Variants in SLC1A7 observed in about 807,000 individuals in gnomAD.
The protein encoded by SLC1A7 is excitatory amino acid transporter 5.
In SLC1A7, 40 loss-of-function variants were observed where a neutral mutation model predicts 47.7. The ratio of observed to expected loss-of-function variants is 0.84; its 90% CI spans 0.65 to 1.09. The LOEUF is 1.09. Among genes scored for constraint, SLC1A7 ranks in the 50% least tolerant of loss-of-function variants. The pLI is 0.00. For synonymous variants in SLC1A7, 323 were observed against 325.6 expected (o/e 0.99, Z 0.09); for missense variants, 746 against 769.5 (o/e 0.97, Z 0.36).
chr1:53,115,526 C>G (rs528667486), intron 2 of SLC1A7: 10 of 160,604 alleles, frequency 6.2e-5, no homozygotes, highest in Admixed American at 2.9e-4. Flanking sequence ...CTGTGGGTCC[C>G]GAGAGGACGG....
Position 53,114,896 on chromosome 1 carries a change from C to T in SLC1A7, c.293G>A (p.Trp98Ter), listed in dbSNP as rs1426995720. The change falls in exon 3 of 11, where the codon TGG (tryptophan) becomes TAG (stop). Residue 98 changes from tryptophan (W) to a stop codon, truncating the protein, a stop_gained. Coordinates refer to ENST00000371494, the MANE Select transcript of SLC1A7 (RefSeq NM_006671.6). LOFTEE classifies it high-confidence loss of function. Reference sequence around the variant, plus strand: ...CACGATGACAGCCATGAAGGTGGTCCACAGGTAGTACGCCACGGTGAGGAC... The same window carrying T: ...CACGATGACAGCCATGAAGGTGGTCTACAGGTAGTACGCCACGGTGAGGAC... ...LGVLTVAYYL[W>*]TTFMAVIVGI... is the part of the protein sequence containing the mutation. 1.2e-6 allele frequency: 2 copies of T among 1,614,162 alleles called. No individual in the cohort carries two copies. Among genetic ancestry groups the T allele is most frequent in the Admixed American group, 1.7e-5 (1 of 60,026 alleles).
intron 3 of SLC1A7, among the ~76,000 whole-genome samples, chr1:53,111,029 G>A (rs573807644): frequency 6.6e-6 from 1 of 152,344 alleles, no homozygotes; most frequent in Non-Finnish European, 1.5e-5. Context: ...GGAGGTTAAA[G>A]AGCCAGGCTT....
At chr1:53,127,419 GGA>G (rs987916402) in intron 2 of SLC1A7, among the ~76,000 whole-genome samples, 1 of 152,210 alleles carries the variant, frequency 6.6e-6, no homozygotes, top group Non-Finnish European at 1.5e-5. Flanking sequence ...CCGGCTCCAG[GGA>G]GAGAGGTGAG....
chr1:53,132,273 C>T (rs879474403), intron 2 of SLC1A7, among the ~76,000 whole-genome samples: 30 of 152,004 alleles, frequency 2.0e-4, no homozygotes, highest in Non-Finnish European at 3.2e-4. Context: ...ATAGATGGGA[C>T]GGGGACAAGA....
intron 1 of SLC1A7, among the ~76,000 whole-genome samples, chr1:53,141,298 A>C (rs1645054211): frequency 6.6e-6 from 1 of 152,002 alleles, no homozygotes; most frequent in South Asian, 2.1e-4. Context: ...TGTCTCCTGT[A>C]GTCATTTTCT....
intron 1 of SLC1A7, 93 bp from the exon 2 acceptor site, chr1:53,134,522 A>C: frequency 1.3e-6 from 1 of 756,604 alleles, no homozygotes; most frequent in Non-Finnish European, 2.2e-6. Flanking sequence ...ATCCCATCTG[A>C]CTCCCCTGTC....
intron 2 of SLC1A7, among the ~76,000 whole-genome samples, chr1:53,130,805 C>T (rs146204349): frequency 6.6e-6 from 1 of 152,210 alleles, no homozygotes; most frequent in Non-Finnish European, 1.5e-5. Context: ...GAGTAACAAC[C>T]TCACACCAGA....
At chr1:53,126,457 C>T (rs1402575250) in intron 2 of SLC1A7, among the ~76,000 whole-genome samples, 1 of 152,190 alleles carries the variant, frequency 6.6e-6, no homozygotes, top group East Asian at 1.9e-4. Context: ...AAACCGCAAA[C>T]CTGGAGTTAC....
chr1:53,100,492 C>G (rs564006898), intron 5 of SLC1A7, among the ~76,000 whole-genome samples: 1 of 146,436 alleles, frequency 6.8e-6, no homozygotes. Flanking sequence ...ACAAACGCTG[C>G]CTCGGTACAT....
chr1:53,105,003 T>A (rs1442301233), intron 4 of SLC1A7, among the ~76,000 whole-genome samples: 1 of 152,196 alleles, frequency 6.6e-6, no homozygotes, highest in Non-Finnish European at 1.5e-5. Context: ...GTAGTACCAC[T>A]AAACATTGTA....
At chr1:53,129,506 ACT>A (rs1271033725) in intron 2 of SLC1A7, among the ~76,000 whole-genome samples, 2,277 of 100,646 alleles carry the variant, frequency 0.023, 13 homozygotes, top group Middle Eastern at 0.038. Flanking sequence ...ACTCAGTTGG[ACT>A]GAAGCACACA....
chr1:53,097,101 C>G (rs1185895187), intron 5 of SLC1A7, among the ~76,000 whole-genome samples: 1 of 144,588 alleles, frequency 6.9e-6, no homozygotes, highest in Non-Finnish European at 1.5e-5. Context: ...ACTGCCTCGG[C>G]ACACTCACAG....
chr1:53,106,351 C>G (rs925560298), intron 3 of SLC1A7, among the ~76,000 whole-genome samples: 3 of 151,900 alleles, frequency 2.0e-5, no homozygotes, highest in African/African-American at 4.8e-5. Flanking sequence ...AAAACGGTGG[C>G]TCACGCCTGT....
At chr1:53,136,675 T>A (rs1645003366) in intron 1 of SLC1A7, among the ~76,000 whole-genome samples, 1 of 139,644 alleles carries the variant, frequency 7.2e-6, no homozygotes. Flanking sequence ...TATTTTTTTT[T>A]TTTTTTTTTG....
At chr1:53,098,648 C>A (rs1229269628) in intron 5 of SLC1A7, among the ~76,000 whole-genome samples, 1 of 151,242 alleles carries the variant, frequency 6.6e-6, no homozygotes, top group Admixed American at 6.6e-5. Flanking sequence ...ACACACACCA[C>A]CTCGGTACAC....
In SLC1A7 at chr1:53,088,961, C is replaced by T; in HGVS notation, c.1380G>A (p.Met460Ile). Residue 460 changes from methionine (M) to isoleucine (I), a missense_variant, in exon 10 of 11, where the codon ATG becomes ATA. By Grantham distance (10) the Met-to-Ile change is conservative. Transcript: ENST00000371494. ...VDWALDRFRT[M>I]INVLGDALAA... ...CCAGCGCATCACCCAGCACGTTAAT[C>T]ATGGTGCGGAAACGGTCCCTGGTGA... The T allele has an allele frequency of 6.2e-7, 1 of 1,614,060 alleles. No individual in the cohort carries two copies. Among genetic ancestry groups the T allele is most frequent in the Non-Finnish European group, 8.5e-7 (1 of 1,180,006 alleles).
chr1:53,108,840 A>G (rs1386053981), intron 3 of SLC1A7, among the ~76,000 whole-genome samples: 1 of 152,238 alleles, frequency 6.6e-6, no homozygotes, highest in Non-Finnish European at 1.5e-5. Context: ...CTGATCTGGC[A>G]GCCAAAAGCA....
intron 1 of SLC1A7, among the ~76,000 whole-genome samples, chr1:53,137,159 T>A (rs12124028): frequency 1.7e-4 from 25 of 151,488 alleles, no homozygotes. Context: ...TGGTGGTGCA[T>A]GCCTGTAGTC....
chr1:53,090,183 G>GTGCCTCTGTGGGTTCCAGGAAGCTA, intron 8 of SLC1A7: 2 of 589,026 alleles, frequency 3.4e-6, no homozygotes, highest in Non-Finnish European at 6.1e-6. Context: ...GTCTGGAGCT[G>GTGCCTCTGTGGGTTCCAGGAAGCTA]TGCCTCTGTG....
Sources: gnomAD v4.1 joint callset for allele counts (sites outside exome capture counted in the v4.1 genomes callset) on GRCh38, gnomAD v4.1.1 for gene constraint, MANE v1.5 for transcripts, NCBI Gene and HGNC (gene_info 2026-07-23, HGNC 2026-07-21) for gene names.